Variants in SLC4A4 observed in about 807,000 individuals in gnomAD.
The protein encoded by SLC4A4 is electrogenic sodium bicarbonate cotransporter 1.
In SLC4A4, 27 loss-of-function variants were observed where a neutral mutation model predicts 111.5. The ratio of observed to expected loss-of-function variants is 0.24; its 90% CI spans 0.18 to 0.33. The LOEUF (loss-of-function observed/expected upper bound fraction) is 0.33. Ranked by LOEUF, SLC4A4 falls within the 10% of genes least tolerant of loss-of-function variation. The pLI is 1.00. For synonymous variants in SLC4A4, 443 were observed against 463.4 expected, an observed-to-expected ratio of 0.96 and a Z score of 0.57; for missense variants, 909 against 1,315.5, an observed-to-expected ratio of 0.69 and a Z score of 4.78.
At chr4:71,244,942 G>T (rs1436074457) in intron 2 of SLC4A4, among the ~76,000 whole-genome samples, 1 of 152,138 alleles carries the variant, frequency 6.6e-6, no homozygotes, top group Non-Finnish European at 1.5e-5. Flanking sequence ...AGGACACAAG[G>T]TTAGTTGACA....
intron 2 of SLC4A4, among the ~76,000 whole-genome samples, chr4:71,139,071 T>TCAATAATG (rs1743927988): frequency 6.9e-6 from 1 of 144,136 alleles, no homozygotes. Context: ...AATCAGTGAG[T>TCAATAATG]CAATAATGCA....
chr4:71,455,449 T>G (rs1240758212), intron 12 of SLC4A4, among the ~76,000 whole-genome samples: 1 of 152,176 alleles, frequency 6.6e-6, no homozygotes, highest in Non-Finnish European at 1.5e-5. Flanking sequence ...CAGCTATTCT[T>G]CATCTAAATG....
intron 2 of SLC4A4, among the ~76,000 whole-genome samples, chr4:71,158,036 T>TTTATGG (rs1744522350): frequency 6.6e-6 from 1 of 150,956 alleles, no homozygotes; most frequent in Admixed American, 6.6e-5. Flanking sequence ...AAACAACAAC[T>TTTATGG]GAAGTTTATG....
chr4:71,134,042 G>A (rs368844254), intron 2 of SLC4A4, among the ~76,000 whole-genome samples: 40 of 152,230 alleles, frequency 2.6e-4, no homozygotes, highest in African/African-American at 9.6e-4. Context: ...GTGCCAAGGA[G>A]GTGGGGAACT....
chr4:71,175,638 T>C (rs912188419), intron 2 of SLC4A4, among the ~76,000 whole-genome samples: 1 of 152,102 alleles, frequency 6.6e-6, no homozygotes, highest in Non-Finnish European at 1.5e-5. Context: ...GGGAGGGGCG[T>C]CTGCCATTGC....
intron 6 of SLC4A4, among the ~76,000 whole-genome samples, chr4:71,362,121 A>C (rs1730849916): frequency 6.6e-6 from 1 of 152,200 alleles, no homozygotes; most frequent in Non-Finnish European, 1.5e-5. Flanking sequence ...TAAAGCCATC[A>C]TCGACCTGTC....
At chr4:71,423,035 A>G (rs889992793) in intron 7 of SLC4A4, among the ~76,000 whole-genome samples, 2 of 152,202 alleles carry the variant, frequency 1.3e-5, no homozygotes, top group Admixed American at 1.3e-4. Flanking sequence ...TTAGGAAAAG[A>G]GGAAGTCAAA....
intron 6 of SLC4A4, among the ~76,000 whole-genome samples, chr4:71,376,577 T>G (rs1215933919): frequency 1.3e-5 from 2 of 148,336 alleles, no homozygotes; most frequent in Admixed American, 6.8e-5. Context: ...TAATCATATA[T>G]ATATATATAT....
intron 16 of SLC4A4, among the ~76,000 whole-genome samples, chr4:71,505,460 T>G (rs895306831): frequency 1.6e-4 from 23 of 146,786 alleles, no homozygotes; most frequent in Non-Finnish European, 2.9e-4. Flanking sequence ...ATGTTGAGGT[T>G]TTTTTTTTTC....
At chr4:71,452,652 G>T (rs1469205106) in intron 11 of SLC4A4, among the ~76,000 whole-genome samples, 3 of 152,228 alleles carry the variant, frequency 2.0e-5, no homozygotes, top group Non-Finnish European at 4.4e-5. Flanking sequence ...CCCTGGGGAA[G>T]ACTGAGGTTT....
At chr4:71,135,003 G>A (rs1743804601) in intron 2 of SLC4A4, among the ~76,000 whole-genome samples, 1 of 152,168 alleles carries the variant, frequency 6.6e-6, no homozygotes, top group African/African-American at 2.4e-5. Context: ...TGCTTGCTAG[G>A]GGTTACAGTT....
At chr4:71,212,741 C>T (rs1324769161) in intron 1 of SLC4A4, among the ~76,000 whole-genome samples, 2 of 152,106 alleles carry the variant, frequency 1.3e-5, no homozygotes, top group Non-Finnish European at 1.5e-5. Context: ...GGCCAGGTCA[C>T]ATTAAATAAA....
rs1023666761 is a variant in SLC4A4, at chr4:71,089,191, G to A, written c.-64-3539G>A. Among the ~76,000 whole-genome samples the A allele has an allele frequency of 4.6e-5, 7 of 151,844 alleles. 1 individual carries two copies. Among genetic ancestry groups the A allele is most frequent in the African/African-American group, 1.2e-4 (5 of 41,222 alleles). On this transcript the variant is annotated intron_variant, in intron 1 of 26. Transcript: ENST00000649996. ...TACCCTTTCTTCCAGGTGATCGATCGGCTACTGAGGGTTGTGCATTCGTCA... is the reference window on the plus strand; with the variant it reads ...TACCCTTTCTTCCAGGTGATCGATCAGCTACTGAGGGTTGTGCATTCGTCA...
At chr4:71,135,333 T>C (rs1001477216) in intron 2 of SLC4A4, among the ~76,000 whole-genome samples, 1 of 148,190 alleles carries the variant, frequency 6.7e-6, no homozygotes, top group Non-Finnish European at 1.5e-5. Flanking sequence ...TCTCACTCTG[T>C]TGCCCAGGCT....
intron 7 of SLC4A4, among the ~76,000 whole-genome samples, chr4:71,401,526 A>T (rs1257758395): frequency 6.6e-6 from 1 of 152,054 alleles, no homozygotes; most frequent in Non-Finnish European, 1.5e-5. Flanking sequence ...CACATTATCT[A>T]ATTATGTTTC....
At chr4:71,475,684 A>T (rs1728299383) in intron 14 of SLC4A4, among the ~76,000 whole-genome samples, 1 of 151,916 alleles carries the variant, frequency 6.6e-6, no homozygotes. Flanking sequence ...GACTTTCAGC[A>T]AGTTCCTTTT....
intron 2 of SLC4A4, among the ~76,000 whole-genome samples, chr4:71,244,924 A>G (rs1041978882): frequency 6.6e-6 from 1 of 152,182 alleles, no homozygotes; most frequent in African/African-American, 2.4e-5. Context: ...TAAACCAGCC[A>G]TTATTTAAGG....
In SLC4A4 at chr4:71,284,853, T is replaced by C. The variant is rs528224496; in HGVS notation, c.253+29454T>C. Among the ~76,000 whole-genome samples, 40 of 152,358 alleles carry C rather than the reference T, an allele frequency of 2.6e-4. No homozygotes were observed. The East Asian group carries it at 7.5e-3, about 29-fold the overall frequency. ...CTTTATGTTGTCCCCTGGTTACCTC[T>C]GGTTTCCTGATGTTCCCTGACTTAG... On this transcript the variant is annotated intron_variant, in intron 3 of 25. Coordinates refer to ENST00000264485, the MANE Select transcript of SLC4A4 (RefSeq NM_001098484.3).
At chr4:71,502,107 G>T (rs967815016) in intron 16 of SLC4A4, among the ~76,000 whole-genome samples, 1 of 152,098 alleles carries the variant, frequency 6.6e-6, no homozygotes, top group Non-Finnish European at 1.5e-5. Flanking sequence ...GATTACAGGC[G>T]CTTGCCACCG....
Sources: allele counts gnomAD v4.1 joint callset (sites outside exome capture counted in the v4.1 genomes callset), GRCh38; gene constraint gnomAD v4.1.1; transcripts MANE v1.5; gene names NCBI Gene and HGNC (gene_info 2026-07-23, HGNC 2026-07-21).